The following ZNF565 variants were observed in gnomAD, a reference collection of about 807,000 sequenced individuals.
ZNF565 encodes zinc finger protein 565.
ZNF565 carries 27 observed loss-of-function variants against 39.4 expected under a neutral mutation model. The observed-to-expected ratio is 0.69, with a 90% CI of 0.51 to 0.95. ZNF565 has a LOEUF of 0.95. Among genes scored for constraint, ZNF565 ranks in the 40% least tolerant of loss-of-function variants. ZNF565 has a pLI of 0.00. For missense variants in ZNF565, 524 were observed against 621.1 expected (o/e 0.84, Z 1.66); for synonymous variants, 185 against 216.6 (o/e 0.85, Z 1.28).
At chr19:36,234,025 C>T (rs920799595) in intron 1 of ZNF565, among the ~76,000 whole-genome samples, 8 of 152,224 alleles carry the variant, frequency 5.3e-5, no homozygotes, top group African/African-American at 1.9e-4. Context: ...GGCAGAGGTC[C>T]CTGCGGCCTT....
At chr19:36,199,640 G>A (rs558509013) in intron 2 of ZNF565, among the ~76,000 whole-genome samples, 7 of 151,402 alleles carry the variant, frequency 4.6e-5, no homozygotes, top group Non-Finnish European at 5.9e-5. Context: ...CTGAGTAGCT[G>A]GGACTACAGG....
chr19:36,202,729 G>C (rs916614854), intron 1 of ZNF565, among the ~76,000 whole-genome samples: 1 of 152,144 alleles, frequency 6.6e-6, no homozygotes, highest in African/African-American at 2.4e-5. Flanking sequence ...TTGAGTAAAA[G>C]ACATCCCTAA....
At chr19:36,187,890 G>A (rs890697772) in intron 4 of ZNF565, among the ~76,000 whole-genome samples, 1 of 150,944 alleles carries the variant, frequency 6.6e-6, no homozygotes, top group African/African-American at 2.4e-5. Context: ...TGCCCACCTC[G>A]GCCTCCCAAA....
chr19:36,227,861 A>G (rs1977143273), intron 1 of ZNF565, among the ~76,000 whole-genome samples: 2 of 152,182 alleles, frequency 1.3e-5, no homozygotes, highest in South Asian at 2.1e-4. Context: ...GGGCCAGGAC[A>G]TCTCTAATAT....
rs1231699331 is a variant in ZNF565 at position 36,245,025 on chromosome 19, A to G, written c.55+451T>C. On this transcript the variant is annotated intron_variant, in intron 1 of 4. Coordinates refer to the ZNF565 transcript ENST00000355114. The surrounding 1 kb of genome is among the most constrained non-coding windows in gnomAD (Gnocchi z 4.4). ...TTGTGTTTTGTTTTCTTGAATCCCTACTGTTCAGTGGCTAGGCTAGAAACT... is the reference window on the plus strand; with the variant it reads ...TTGTGTTTTGTTTTCTTGAATCCCTGCTGTTCAGTGGCTAGGCTAGAAACT... Among the ~76,000 whole-genome samples, 1 of 151,802 alleles carries G rather than the reference A, an allele frequency of 6.6e-6. No homozygotes were observed. The highest frequency in any genetic ancestry group is 2.4e-5 in the African/African-American group (1 of 41,290).
chr19:36,183,722 T>C lies in ZNF565; in HGVS notation c.244A>G (p.Arg82Gly), dbSNP rs1311356029. The C allele has an allele frequency of 6.2e-7, 1 of 1,609,066 alleles. No individual in the cohort carries two copies. The highest frequency in any genetic ancestry group is 1.1e-5 in the South Asian group (1 of 90,756). The change falls in exon 5 of 5, where the codon AGG (arginine) becomes GGG (glycine). Residue 82 changes from arginine (R) to glycine (G), a missense_variant. Transcript: ENST00000304116. Reference protein sequence around the residue: ...TGPWCPDLESRCEKFLQKDIF... With the variant: ...TGPWCPDLESGCEKFLQKDIF... ...TCTTTTTGTAGAAATTTCTCACACC[T>C]GGACTCCAAGTCTGAAAAATAAGAA... is the stretch of plus-strand genomic sequence containing the variant.
intron 1 of ZNF565, among the ~76,000 whole-genome samples, chr19:36,239,184 C>T (rs1052997210): frequency 1.3e-5 from 2 of 152,100 alleles, no homozygotes; most frequent in Non-Finnish European, 2.9e-5. Flanking sequence ...GCTTAGAAAA[C>T]TTTAACTTTT....
intron 1 of ZNF565, 95 bp from the exon 2 acceptor site, chr19:36,202,145 C>G: frequency 1.4e-6 from 1 of 713,366 alleles, no homozygotes; most frequent in East Asian, 2.6e-5. Flanking sequence ...AATTGTACTT[C>G]CAATGTCTCG....
intron 1 of ZNF565, among the ~76,000 whole-genome samples, chr19:36,221,664 A>G (rs908348890): frequency 1.6e-4 from 24 of 152,172 alleles, no homozygotes; most frequent in South Asian, 2.1e-4. Flanking sequence ...ACAAAGATCT[A>G]TCTCACAGAG....
intron 2 of ZNF565, among the ~76,000 whole-genome samples, chr19:36,195,752 G>C (rs1325702406): frequency 1.4e-5 from 2 of 145,976 alleles, no homozygotes; most frequent in East Asian, 4.1e-4. Flanking sequence ...CATCATGTTG[G>C]TCAGGCTGGT....
chr19:36,245,585 A>T lies in ZNF565; in HGVS notation c.-55T>A. On this transcript the variant is annotated 5_prime_UTR_variant, in exon 1 of 5. Coordinates refer to the ZNF565 transcript ENST00000355114. The surrounding 1 kb of genome is among the most constrained non-coding windows in gnomAD (Gnocchi z 4.4). ...TCCCAGGGTCCACCGCGGATCTAGG[A>T]GGAGGCTTGAGATGCAGCCTCCCAG... 1.4e-6 allele frequency: 1 copy of T among 701,996 alleles called. No homozygotes were observed. Among genetic ancestry groups the T allele is most frequent in the South Asian group, 1.5e-5 (1 of 67,570 alleles). 43.5% of individuals were successfully genotyped at this position (701,996 alleles called of 1,614,324 possible).
At chr19:36,238,940 T>TG (rs1178043856) in intron 1 of ZNF565, among the ~76,000 whole-genome samples, 1 of 152,130 alleles carries the variant, frequency 6.6e-6, no homozygotes, top group Non-Finnish European at 1.5e-5. Flanking sequence ...CGAACCCTAT[T>TG]GGGAACTGTG....
intron 1 of ZNF565, among the ~76,000 whole-genome samples, chr19:36,235,252 C>G: frequency 6.6e-6 from 1 of 151,496 alleles, no homozygotes; most frequent in South Asian, 2.1e-4. Context: ...ATTTTTCTTC[C>G]TTAGCATCCC....
chr19:36,201,107 G>C (rs1219232404), intron 2 of ZNF565, among the ~76,000 whole-genome samples: 1 of 152,126 alleles, frequency 6.6e-6, no homozygotes, highest in Non-Finnish European at 1.5e-5. Flanking sequence ...TTTGAGACCA[G>C]TCTGGGCAAC....
rs185027173 is a variant in ZNF565 at position 36,207,970 on chromosome 19, G to A, written c.-65-5920C>T. On this transcript the variant is annotated intron_variant, in intron 1 of 4. Transcript: ENST00000304116. ...TGTAAGCCACTGAGATTCAGGGGTTGTTTGCCACCACAGCATAACTTAGCC... is the reference window on the plus strand; with the variant it reads ...TGTAAGCCACTGAGATTCAGGGGTTATTTGCCACCACAGCATAACTTAGCC... Among the ~76,000 whole-genome samples, 30 of 152,292 alleles carry A rather than the reference G, an allele frequency of 2.0e-4. 1 individual carries two copies. The highest frequency in any genetic ancestry group is 7.0e-4 in the African/African-American group (29 of 41,556).
chr19:36,232,539 G>A (rs759498499), intron 1 of ZNF565, among the ~76,000 whole-genome samples: 2 of 151,648 alleles, frequency 1.3e-5, no homozygotes, highest in Non-Finnish European at 2.9e-5. Context: ...GTTTGAGAAC[G>A]CATGAGTTGC....
intron 1 of ZNF565, among the ~76,000 whole-genome samples, chr19:36,228,996 T>A (rs1161901990): frequency 2.0e-5 from 3 of 152,222 alleles, no homozygotes; most frequent in African/African-American, 4.8e-5. Flanking sequence ...TTCTTCTTCT[T>A]TCACCAGATT....
At chr19:36,191,736 G>A (rs73931506) in intron 4 of ZNF565, among the ~76,000 whole-genome samples, 4,289 of 152,270 alleles carry the variant, frequency 0.028, 200 homozygotes, top group African/African-American at 0.097. Context: ...GCTAGGGACA[G>A]TTCTTCCTTA....
At chr19:36,237,472 G>A (rs1319950580) in intron 1 of ZNF565, 1 of 870,408 alleles carries the variant, frequency 1.1e-6, no homozygotes, top group East Asian at 2.8e-5. Context: ...AATTTGTACT[G>A]AAGAGAAAGA....
Sources: gnomAD v4.1 joint callset for allele counts (sites outside exome capture counted in the v4.1 genomes callset) on GRCh38, gnomAD v4.1.1 for gene constraint, Gnocchi (gnomAD v3.1) non-coding constraint, MANE v1.5 for transcripts, NCBI Gene and HGNC (gene_info 2026-07-23, HGNC 2026-07-21) for gene names.